TAAR2: variants seen among roughly 807,000 people sequenced by gnomAD.
TAAR2 encodes the protein trace amine associated receptor 2, also known as trace amine-associated receptor 2.
TAAR2 carries 30 observed loss-of-function variants against 25.5 expected under a neutral mutation model. The observed-to-expected ratio is 1.18, with a 90% CI of 0.88 to 1.60. TAAR2 has a LOEUF of 1.60. TAAR2 is among the 40% of genes most tolerant of loss of function. The probability of loss-of-function intolerance (pLI) is 0.00; values close to 1 mark genes in which losing one functional copy is unlikely to be tolerated. For synonymous variants in TAAR2, 150 were observed against 142.4 expected (o/e 1.05, Z -0.38); for missense variants, 481 against 416.5 (o/e 1.15, Z -1.35).
At chr6:132,623,706 G>GAA (rs5880137) in intron 1 of TAAR2, among the ~76,000 whole-genome samples, 8,760 of 140,414 alleles carry the variant, frequency 0.062, 300 homozygotes, top group South Asian at 0.09. Flanking sequence ...ATCTGAAAGT[G>GAA]AAAAAAAAAA....
chr6:132,623,100 G>A (rs532696197), intron 1 of TAAR2, among the ~76,000 whole-genome samples: 43 of 152,018 alleles, frequency 2.8e-4, no homozygotes, highest in African/African-American at 9.4e-4. Context: ...GTACACATTT[G>A]ACCAGAAAAG....
In TAAR2 at chr6:132,617,172, C is replaced by T. The variant is rs757190817; in HGVS notation, c.1034G>A (p.Cys345Tyr). Residue 345 changes from cysteine (C) to tyrosine (Y), a missense_variant, in exon 2 of 2, where the codon TGT becomes TAT. Transcript: ENST00000367931. ...AGCCTACTCACTTTCTTTTTGCATA[C>T]ACAAAATAGTATTATGGAAACATGA... Reference protein sequence around the residue: ...FSSCFHNTILCMQKESE With the variant: ...FSSCFHNTILYMQKESE 2.5e-6 allele frequency: 4 copies of T among 1,586,204 alleles called. No individual in the cohort carries two copies. Among genetic ancestry groups the T allele is most frequent in the Non-Finnish European group, 1.7e-6 (2 of 1,172,502 alleles).
chr6:132,624,222 T>G lies in TAAR2; in HGVS notation c.54A>C (p.Thr18=). The change falls in exon 1 of 2, where the codon ACA becomes ACC. Residue 18 remains threonine (T), a synonymous_variant. Coordinates refer to ENST00000367931, the MANE Select transcript of TAAR2 (RefSeq NM_001033080.1). ...HELSHFKRTQ[T]KKEKFNCSEY... Reference sequence around the variant, plus strand: ...CATATGTTTAAGGGCCTACCTTTTTTGTCTGTGTTCTTTTGAAATGTGAAA... The same window carrying G: ...CATATGTTTAAGGGCCTACCTTTTTGGTCTGTGTTCTTTTGAAATGTGAAA... The G allele has an allele frequency of 6.2e-7, 1 of 1,613,502 alleles. No homozygotes were observed. Among genetic ancestry groups the G allele is most frequent in the Non-Finnish European group, 8.5e-7 (1 of 1,179,650 alleles).
At chr6:132,623,706 G>GA (rs5880137) in intron 1 of TAAR2, among the ~76,000 whole-genome samples, 83,050 of 140,440 alleles carry the variant, frequency 0.59, 24,513 homozygotes, top group East Asian at 0.81. Context: ...ATCTGAAAGT[G>GA]AAAAAAAAAA....
intron 1 of TAAR2, among the ~76,000 whole-genome samples, chr6:132,618,841 AGATTT>A (rs1462612101): frequency 1.3e-5 from 2 of 152,202 alleles, no homozygotes; most frequent in Non-Finnish European, 2.9e-5. Context: ...ATATATAATC[AGATTT>A]GATTTGATTG....
chr6:132,619,876 A>C (rs1562195427), intron 1 of TAAR2, among the ~76,000 whole-genome samples: 1 of 152,188 alleles, frequency 6.6e-6, no homozygotes, highest in Non-Finnish European at 1.5e-5. Context: ...CCTGTTCTAC[A>C]CAGAAGGTAT....
chr6:132,618,406 G>A (rs976582257), intron 1 of TAAR2, among the ~76,000 whole-genome samples: 4 of 152,078 alleles, frequency 2.6e-5, no homozygotes, highest in Non-Finnish European at 4.4e-5. Context: ...TTAGGAGGTC[G>A]AGGCAGGGGG....
In TAAR2 at chr6:132,617,197, A is replaced by T; in HGVS notation, c.1009T>A (p.Ser337Thr). 6.2e-7 allele frequency: 1 copy of T among 1,605,610 alleles called. No homozygotes were observed. Among genetic ancestry groups the T allele is most frequent in the South Asian group, 1.1e-5 (1 of 88,226 alleles). The change falls in exon 2 of 2, where the codon TCA (serine) becomes ACA (threonine). Residue 337 changes from serine to threonine, a missense_variant. Physicochemically the swap from Ser to Thr is moderately conservative, Grantham distance 58. Transcript: ENST00000367931. ...CACAAAATAGTATTATGGAAACATG[A>T]GCTGAAAATTTTACCTAGCAAAATG... is the stretch of plus-strand genomic sequence containing the variant. ...KYILLGKIFSSCFHNTILCMQ... is the reference protein window; with the variant it reads ...KYILLGKIFSTCFHNTILCMQ...
intron 1 of TAAR2, 151 bp downstream of exon 1, chr6:132,624,065 A>G (rs1777411571): frequency 1.3e-6 from 1 of 760,576 alleles, no homozygotes; most frequent in East Asian, 2.7e-5. Context: ...TTTTTCTTTG[A>G]TAAATGTGAT....
In TAAR2 at chr6:132,617,270, C is replaced by T. The variant is rs757996387; in HGVS notation, c.936G>A (p.Pro312=). ...WFGYFNSTCN[P]LIYGFFYPWF... is the part of the protein sequence containing the mutation. The stretch of plus-strand genomic sequence containing the variant: ...AGGGATAGAAGAAACCATATATTAA[C>T]GGATTACATGTGGAGTTAAAATAGC... The change falls in exon 2 of 2, where the codon CCG becomes CCA. Residue 312 remains proline (P), a synonymous_variant. Transcript: ENST00000367931. 17 of 1,613,514 alleles carry T rather than the reference C, an allele frequency of 1.1e-5. No individual in the cohort carries two copies. The highest frequency in any genetic ancestry group is 4.4e-5 in the South Asian group (4 of 91,062).
intron 1 of TAAR2, among the ~76,000 whole-genome samples, chr6:132,618,719 G>C (rs569111129): frequency 6.6e-6 from 1 of 152,046 alleles, no homozygotes; most frequent in Non-Finnish European, 1.5e-5. Context: ...TTTATGCCAG[G>C]CTTTGAAATT....
In TAAR2 at chr6:132,617,941, C is replaced by A; in HGVS notation, c.265G>T (p.Asp89Tyr). 6.2e-7 allele frequency: 1 copy of A among 1,613,954 alleles called. No homozygotes were observed. ...NFLILSMAIT[D>Y]FLLGFTIMPY... ...ATGATGGTGAATCCCAGGAGGAAAT[C>A]AGTGATGGCCATGGAGAGGATGAGG... The change falls in exon 2 of 2, where the codon GAT (aspartate) becomes TAT (tyrosine). Residue 89 changes from aspartate (D) to tyrosine (Y), a missense_variant. Physicochemically the swap from Asp to Tyr is radical, Grantham distance 160 (BLOSUM62 -3). Transcript: ENST00000367931.
At chr6:132,622,789 A>G (rs1294596176) in intron 1 of TAAR2, among the ~76,000 whole-genome samples, 2 of 151,922 alleles carry the variant, frequency 1.3e-5, no homozygotes, top group Non-Finnish European at 2.9e-5. Flanking sequence ...CTGCCTAGTA[A>G]CCACTTTTAA....
In TAAR2 at chr6:132,617,479, T is replaced by C; in HGVS notation, c.727A>G (p.Ile243Val). The change falls in exon 2 of 2, where the codon ATC (isoleucine) becomes GTC (valine). Residue 243 changes from isoleucine to valine, a missense_variant. By Grantham distance (29) the Ile-to-Val change is conservative. Coordinates refer to ENST00000367931, the MANE Select transcript of TAAR2 (RefSeq NM_001033080.1). ...TTTTGATTTTCTCGCAAGTTATTGA[T>C]GGCATGAGCATGTTTTCTGGATACT... Reference protein sequence around the residue: ...FAVSRKHAHAINNLRENQNNQ... With the variant: ...FAVSRKHAHAVNNLRENQNNQ... The C allele has an allele frequency of 2.5e-6, 4 of 1,614,004 alleles. No homozygotes were observed. Among genetic ancestry groups the C allele is most frequent in the Non-Finnish European group, 3.4e-6 (4 of 1,179,964 alleles).
intron 1 of TAAR2, among the ~76,000 whole-genome samples, chr6:132,620,165 C>T (rs1777354307): frequency 6.6e-6 from 1 of 152,196 alleles, no homozygotes; most frequent in Non-Finnish European, 1.5e-5. Context: ...AAATTAAAAG[C>T]TTCCTCCAAC....
At chr6:132,618,378 G>T (rs558824414) in intron 1 of TAAR2, among the ~76,000 whole-genome samples, 1 of 152,086 alleles carries the variant, frequency 6.6e-6, no homozygotes, top group East Asian at 1.9e-4. Flanking sequence ...GGTGGCTCAC[G>T]CCTGTAATCC....
chr6:132,617,991 T>A lies in TAAR2; in HGVS notation c.215A>T (p.Lys72Met). Reference sequence around the variant, plus strand: ...GAAGTTGGTTGGTGTGTGAAGCTGCTTGAAGTAGGAAATGGAAATTATCAT... The same window carrying A: ...GAAGTTGGTTGGTGTGTGAAGCTGCATGAAGTAGGAAATGGAAATTATCAT... ...LAMIISISYF[K>M]QLHTPTNFLI... is the part of the protein sequence containing the mutation. The change falls in exon 2 of 2, where the codon AAG becomes ATG. Residue 72 changes from lysine to methionine, a missense_variant. By Grantham distance (95) the Lys-to-Met change is moderately conservative. Transcript: ENST00000367931. The A allele has an allele frequency of 6.2e-7, 1 of 1,614,022 alleles. No homozygotes were observed. The highest frequency in any genetic ancestry group is 8.5e-7 in the Non-Finnish European group (1 of 1,179,968).
At position 132,624,214 on chromosome 6, in the gene TAAR2, AC is replaced by A. The variant is rs773135028; in HGVS notation, c.60+1del. The A allele has an allele frequency of 1.1e-5, 18 of 1,613,366 alleles. No individual in the cohort carries two copies. The highest frequency in any genetic ancestry group is 6.6e-5 in the South Asian group (6 of 91,070). On this transcript the variant is annotated splice_donor_variant, in intron 1 of 1. Transcript: ENST00000367931. LOFTEE classifies it high-confidence loss of function. ...AACTTAGTCATATGTTTAAGGGCCT[AC>A]CTTTTTTGTCTGTGTTCTTTTGAAA...
intron 1 of TAAR2, 137 bp downstream of exon 1, chr6:132,624,079 A>G: frequency 2.4e-6 from 2 of 841,920 alleles, no homozygotes; most frequent in Middle Eastern, 2.8e-4. Context: ...ATGTGATTAA[A>G]AGAACACATT....
Sources: allele counts gnomAD v4.1 joint callset (sites outside exome capture counted in the v4.1 genomes callset), GRCh38; gene constraint gnomAD v4.1.1; transcripts MANE v1.5; gene names NCBI Gene and HGNC (gene_info 2026-07-23, HGNC 2026-07-21).